Variants in TMEM33 observed in about 807,000 individuals in gnomAD.
The protein encoded by TMEM33 is transmembrane protein 33.
A neutral mutation model predicts 29.7 loss-of-function variants in TMEM33; 16 were observed. The ratio of observed to expected loss-of-function variants is 0.54; its 90% confidence interval spans 0.36 to 0.82. The LOEUF is 0.82. Among genes scored for constraint, TMEM33 ranks in the 40% least tolerant of loss-of-function variants. The probability of loss-of-function intolerance (pLI) is 0.00; values close to 1 mark genes in which losing one functional copy is unlikely to be tolerated. For missense variants in TMEM33, 252 were observed against 295.3 expected, an observed-to-expected ratio of 0.85 and a Z score of 1.08; for synonymous variants, 112 against 109.4, an observed-to-expected ratio of 1.02 and a Z score of -0.15.
At chr4:41,946,174 A>T (rs1712779231) in intron 5 of TMEM33, among the ~76,000 whole-genome samples, 4 of 151,420 alleles carry the variant, frequency 2.6e-5, no homozygotes. Flanking sequence ...GATGCAGTAA[A>T]TATTTTTTAC....
chr4:41,954,033 C>A (rs1317471446), intron 6 of TMEM33, 37 bp from the exon 7 acceptor site: 2 of 1,606,896 alleles, frequency 1.2e-6, no homozygotes, highest in South Asian at 2.2e-5. Context: ...ATTGCTTTTT[C>A]CTTGTGTTTC....
chr4:41,942,118 C>T (rs1712567142), intron 3 of TMEM33, among the ~76,000 whole-genome samples: 1 of 152,218 alleles, frequency 6.6e-6, no homozygotes, highest in Non-Finnish European at 1.5e-5. Flanking sequence ...CACTACCTGA[C>T]ACTGCCCCTT....
rs1472017216 is a variant in TMEM33 at position 41,956,121 on chromosome 4, G to C, written c.*1922G>C. ...GCCTCCCGAGTAGCTGGGACTACAG[G>C]TGCACGCCACCACGCCTGTAGTCCC... is the stretch of plus-strand genomic sequence containing the variant. On this transcript the variant is annotated 3_prime_UTR_variant, in exon 7 of 7. Transcript: ENST00000504986. 6.6e-6 allele frequency: 1 copy of C among 152,116 alleles called. No homozygotes were observed. Among genetic ancestry groups the C allele is most frequent in the African/African-American group, 2.4e-5 (1 of 41,384 alleles). The allele number at this position is 152,116 out of a possible 1,614,324, so 9.4% of individuals were successfully genotyped here. A position where few individuals can be genotyped will look rare whatever the true frequency, so the allele number is the denominator to read the frequency against.
rs1297564654 is a variant in TMEM33 at position 41,944,931 on chromosome 4, G to T, written c.530+5G>T. The T allele has an allele frequency of 6.2e-7, 1 of 1,606,466 alleles. No individual in the cohort carries two copies. On this transcript the variant is annotated splice_donor_5th_base_variant and intron_variant, in intron 5 of 6. Coordinates refer to ENST00000504986, the MANE Select transcript of TMEM33 (RefSeq NM_018126.3). Reference sequence around the variant, plus strand: ...GACAGTTTTTATGCTTTTTAGGTAAGGAAAAATTATATTTGTTTTGGGAGG... The same window carrying T: ...GACAGTTTTTATGCTTTTTAGGTAATGAAAAATTATATTTGTTTTGGGAGG...
At chr4:41,936,682 C>T (rs1577645745) in intron 1 of TMEM33, among the ~76,000 whole-genome samples, 1 of 152,076 alleles carries the variant, frequency 6.6e-6, no homozygotes, top group African/African-American at 2.4e-5. Flanking sequence ...AGAGCGAGAC[C>T]CTATCTCAGA....
At position 41,944,833 on chromosome 4, in the gene TMEM33, T is replaced by G; in HGVS notation, c.437T>G (p.Leu146Trp). Residue 146 changes from leucine to tryptophan, a missense_variant, in exon 5 of 7, where the codon TTG becomes TGG. Physicochemically the swap from Leu to Trp is moderately conservative, Grantham distance 61. Transcript: ENST00000504986. ...AGTTTACCTCTGCTGAGATCTGTCT[T>G]GGACAAATTAAGTGCTAATCAACAA... ...SNSLPLLRSV[L>W]DKLSANQQNI... 1 of 1,613,636 alleles carries G rather than the reference T, an allele frequency of 6.2e-7. No homozygotes were observed. Among genetic ancestry groups the G allele is most frequent in the Non-Finnish European group, 8.5e-7 (1 of 1,179,818 alleles).
At chr4:41,935,216 T>A, upstream of TMEM33, 1 of 572,354 alleles carries the variant, frequency 1.7e-6, no homozygotes, top group Non-Finnish European at 3.1e-6. Context: ...CCACCTTCGC[T>A]CCCGTCTTTC....
intron 5 of TMEM33, among the ~76,000 whole-genome samples, chr4:41,946,088 T>A (rs1364691172): frequency 6.6e-6 from 1 of 151,436 alleles, no homozygotes; most frequent in Non-Finnish European, 1.5e-5. Context: ...TTTTTTTTTT[T>A]TTTTTAGCCG....
rs533455058 is a variant in TMEM33, at chr4:41,954,928, T to C, written c.*729T>C. On this transcript the variant is annotated 3_prime_UTR_variant, in exon 7 of 7. Transcript: ENST00000504986. ...ACACAGCTTTCCCTTCAAAGAGCCA[T>C]TGAGAAACATTTCTCAAACAGGAAA... 2.0e-5 allele frequency: 3 copies of C among 152,640 alleles called. No individual in the cohort carries two copies. Among genetic ancestry groups the C allele is most frequent in the African/African-American group, 7.2e-5 (3 of 41,568 alleles). The allele number at this position is 152,640 out of a possible 1,614,324, so 9.5% of individuals were successfully genotyped here.
intron 6 of TMEM33, chr4:41,953,769 C>T (rs1220236682): frequency 2.1e-6 from 1 of 468,252 alleles, no homozygotes; most frequent in Middle Eastern, 4.8e-4. Flanking sequence ...GTTTGTGGTG[C>T]CCCAAAACAG....
chr4:41,937,504 C>T (rs1487506564), intron 1 of TMEM33, among the ~76,000 whole-genome samples: 5 of 149,838 alleles, frequency 3.3e-5, no homozygotes, highest in Non-Finnish European at 5.9e-5. Flanking sequence ...ATTTTTTTTT[C>T]AAAAGATAAT....
At chr4:41,936,429 G>A (rs1560514874) in intron 1 of TMEM33, among the ~76,000 whole-genome samples, 1 of 152,210 alleles carries the variant, frequency 6.6e-6, no homozygotes, top group Non-Finnish European at 1.5e-5. Flanking sequence ...TGTAATCTCA[G>A]CACTTTGGGA....
chr4:41,939,524 T>C, intron 3 of TMEM33, 141 bp downstream of exon 3: 1 of 888,062 alleles, frequency 1.1e-6, no homozygotes, highest in Non-Finnish European at 1.7e-6. Context: ...ATGTTTAGTG[T>C]AAGAATTTCT....
rs1713175254 is a variant in TMEM33 at position 41,954,440 on chromosome 4, T to TA, written c.*242dup. On this transcript the variant is annotated 3_prime_UTR_variant, in exon 7 of 7. Transcript: ENST00000504986. Reference sequence around the variant, plus strand: ...AAAGAAGTCTGTATCTAGTGATAAATATACCAGTTTTTTTAAAAAGATGCT... The same window carrying TA: ...AAAGAAGTCTGTATCTAGTGATAAATAATACCAGTTTTTTTAAAAAGATGCT... 1 of 285,386 alleles carries TA rather than the reference T, an allele frequency of 3.5e-6. No individual in the cohort carries two copies. 17.7% of individuals were successfully genotyped at this position (285,386 alleles called of 1,614,324 possible).
intron 6 of TMEM33, among the ~76,000 whole-genome samples, chr4:41,953,057 T>A (rs151058173): frequency 0.026 from 4,005 of 152,204 alleles, 168 homozygotes; most frequent in African/African-American, 0.09. Flanking sequence ...TAAAATTTAA[T>A]CTGAGGTTTT....
chr4:41,956,428 T>C lies in TMEM33; in HGVS notation c.*2229T>C, dbSNP rs1320353946. ...ACTACTAACTGAAGTATAAAACTTA[T>C]TTGAATTTCAACAGTTTTTTTTTCA... On this transcript the variant is annotated 3_prime_UTR_variant, in exon 7 of 7. Transcript: ENST00000504986. 3 of 152,218 alleles carry C rather than the reference T, an allele frequency of 2.0e-5. No homozygotes were observed. The highest frequency in any genetic ancestry group is 4.8e-5 in the African/African-American group (2 of 41,454). The allele number at this position is 152,218 out of a possible 1,614,324, so 9.4% of individuals were successfully genotyped here.
intron 5 of TMEM33, among the ~76,000 whole-genome samples, chr4:41,946,833 G>A (rs1712817317): frequency 6.6e-6 from 1 of 151,902 alleles, no homozygotes; most frequent in African/African-American, 2.4e-5. Context: ...GGAACTTTTT[G>A]CTCCCTTTTG....
At position 41,959,174 on chromosome 4, in the gene TMEM33, T is replaced by C. The variant is rs942443380; in HGVS notation, c.*4975T>C. On this transcript the variant is annotated 3_prime_UTR_variant, in exon 7 of 7. Transcript: ENST00000504986. Reference sequence around the variant, plus strand: ...GAGATTGTTTTAAGGAGCAGTCTTATATTCAGGGTAGAAAGTTATGATTGG... The same window carrying C: ...GAGATTGTTTTAAGGAGCAGTCTTACATTCAGGGTAGAAAGTTATGATTGG... 1 of 152,224 alleles carries C rather than the reference T, an allele frequency of 6.6e-6. No homozygotes were observed. Among genetic ancestry groups the C allele is most frequent in the African/African-American group, 2.4e-5 (1 of 41,456 alleles). 9.4% of individuals were successfully genotyped at this position (152,224 alleles called of 1,614,324 possible). A position where few individuals can be genotyped will look rare whatever the true frequency, so the allele number is the denominator to read the frequency against.
chr4:41,939,842 C>T (rs1218815662), intron 3 of TMEM33: 9 of 454,050 alleles, frequency 2.0e-5, no homozygotes, highest in South Asian at 9.3e-5. Context: ...ATGAGATAAT[C>T]AATACAAAGA....
Sources: allele counts gnomAD v4.1 joint callset (sites outside exome capture counted in the v4.1 genomes callset), GRCh38; gene constraint gnomAD v4.1.1; transcripts MANE v1.5; gene names NCBI Gene and HGNC (gene_info 2026-07-23, HGNC 2026-07-21).